Variants in PTPRG observed in about 807,000 individuals in gnomAD.
The protein encoded by PTPRG is protein tyrosine phosphatase receptor type G.
A neutral mutation model predicts 165.3 loss-of-function variants in PTPRG; 102 were observed. The observed-to-expected ratio is 0.62, with a 90% confidence interval of 0.53 to 0.73. The LOEUF (loss-of-function observed/expected upper bound fraction) is 0.73. Ranked by LOEUF, PTPRG falls within the 30% of genes least tolerant of loss-of-function variation. The pLI, the probability that PTPRG is intolerant of heterozygous loss-of-function variation, is 0.00. For missense variants in PTPRG, 1,866 were observed against 1,861.4 expected, an observed-to-expected ratio of 1.00 and a Z score of -0.05; for synonymous variants, 675 against 669.5, an observed-to-expected ratio of 1.01 and a Z score of -0.13.
At chr3:61,657,880 T>C (rs1702551359) in intron 1 of PTPRG, among the ~76,000 whole-genome samples, 1 of 152,160 alleles carries the variant, frequency 6.6e-6, no homozygotes, top group Non-Finnish European at 1.5e-5. Context: ...GCGGGGAAGA[T>C]GCTTTGTACT....
At chr3:61,643,495 A>C (rs959496069) in intron 1 of PTPRG, among the ~76,000 whole-genome samples, 1 of 152,216 alleles carries the variant, frequency 6.6e-6, no homozygotes, top group Non-Finnish European at 1.5e-5. Context: ...AAAAGCACCT[A>C]TTGGCTGGGC....
In PTPRG at chr3:62,065,822, G is replaced by T. The variant is rs569112837; in HGVS notation, c.520-12341G>T. The stretch of plus-strand genomic sequence containing the variant: ...AACAGAAGAGCTCTTTTAAAGAACA[G>T]ATGTTCTAGACCAGTTGACCCAGCT... On this transcript the variant is annotated intron_variant, in intron 4 of 29. Coordinates refer to ENST00000474889, the MANE Select transcript of PTPRG (RefSeq NM_002841.4). Among the ~76,000 whole-genome samples the T allele has an allele frequency of 2.4e-4, 37 of 152,266 alleles. 1 individual carries two copies. In the East Asian group the frequency reaches 6.8e-3, roughly 28 times the overall value.
At chr3:61,802,393 G>A (rs2035278014) in intron 2 of PTPRG, among the ~76,000 whole-genome samples, 1 of 152,180 alleles carries the variant, frequency 6.6e-6, no homozygotes, top group African/African-American at 2.4e-5. Flanking sequence ...TGGTTGCACA[G>A]TGTTCAGTAT....
chr3:62,083,618 T>C (rs1025695032), intron 5 of PTPRG, among the ~76,000 whole-genome samples: 5 of 152,316 alleles, frequency 3.3e-5, no homozygotes, highest in Non-Finnish European at 5.9e-5. Context: ...ACAGAACAAT[T>C]TCATTGGTTT....
intron 5 of PTPRG, among the ~76,000 whole-genome samples, chr3:62,130,724 G>A (rs1703483168): frequency 6.6e-6 from 1 of 152,128 alleles, no homozygotes; most frequent in Non-Finnish European, 1.5e-5. Context: ...TTTTGACCAG[G>A]TTTTAAAATT....
rs546551629 is a variant in PTPRG at position 62,275,097 on chromosome 3, T to C, written c.3466-776T>C. ...GGAGAAGAACACTGATCTCATATAC[T>C]CCATTAGGATGGATGCCAGCCCCCA... On this transcript the variant is annotated intron_variant, in intron 23 of 29. Coordinates refer to ENST00000474889, the MANE Select transcript of PTPRG (RefSeq NM_002841.4). Among the ~76,000 whole-genome samples the C allele has an allele frequency of 2.0e-5, 3 of 152,202 alleles. No homozygotes were observed. In the East Asian group the frequency reaches 5.8e-4, roughly 30 times the overall value.
At chr3:61,781,020 T>C (rs1418262257) in intron 2 of PTPRG, among the ~76,000 whole-genome samples, 1 of 152,240 alleles carries the variant, frequency 6.6e-6, no homozygotes, top group Non-Finnish European at 1.5e-5. Flanking sequence ...AGTATTTGAC[T>C]TGGGTCTCTT....
chr3:61,780,694 T>C (rs1240963133), intron 2 of PTPRG, among the ~76,000 whole-genome samples: 1 of 152,200 alleles, frequency 6.6e-6, no homozygotes, highest in Non-Finnish European at 1.5e-5. Flanking sequence ...TAGCCATTTA[T>C]ATGATCTGCC....
chr3:62,186,567 C>CCTTTTTTTTTTTTTTTTT (rs1705895088), intron 8 of PTPRG, among the ~76,000 whole-genome samples: 1 of 117,542 alleles, frequency 8.5e-6, no homozygotes, highest in African/African-American at 3.5e-5. Flanking sequence ...TTTTCTTTTC[C>CCTTTTTTTTTTTTTTTTT]TTTTTTTTTT....
intron 1 of PTPRG, among the ~76,000 whole-genome samples, chr3:61,728,779 T>G (rs631533): frequency 1.3e-5 from 2 of 150,998 alleles, no homozygotes; most frequent in South Asian, 2.1e-4. Flanking sequence ...GCTCATGCCT[T>G]TAATTCCAAC....
intron 28 of PTPRG, among the ~76,000 whole-genome samples, chr3:62,286,392 G>GGGTTATAACTCTGGATAGCAATCTT (rs1484032096): frequency 1.1e-4 from 16 of 152,012 alleles, no homozygotes; most frequent in African/African-American, 3.9e-4. Context: ...CACAGTGTCA[G>GGGTTATAACTCTGGATAGCAATCTT]GGTTATAACT....
intron 2 of PTPRG, among the ~76,000 whole-genome samples, chr3:61,985,855 C>T (rs2040746350): frequency 6.6e-6 from 1 of 152,154 alleles, no homozygotes; most frequent in African/African-American, 2.4e-5. Context: ...CCATAGTCAC[C>T]TTTGCTGGGC....
chr3:61,658,239 C>G (rs1702562856), intron 1 of PTPRG, among the ~76,000 whole-genome samples: 2 of 152,180 alleles, frequency 1.3e-5, no homozygotes, highest in Non-Finnish European at 2.9e-5. Flanking sequence ...CAAGCAGGCA[C>G]CCGGTGCCTG....
chr3:61,671,935 T>G (rs1388357997), intron 1 of PTPRG, among the ~76,000 whole-genome samples: 1 of 135,732 alleles, frequency 7.4e-6, no homozygotes, highest in East Asian at 2.3e-4. Flanking sequence ...AGGTGGCTGC[T>G]GGGCGGAGAT....
intron 6 of PTPRG, among the ~76,000 whole-genome samples, chr3:62,149,896 G>A (rs754043747): frequency 6.6e-6 from 1 of 152,148 alleles, no homozygotes; most frequent in Non-Finnish European, 1.5e-5. Flanking sequence ...TTGGACAGTT[G>A]ATCTTTTCCT....
chr3:62,022,354 CT>C (rs2107763302), intron 4 of PTPRG, among the ~76,000 whole-genome samples: 1 of 152,254 alleles, frequency 6.6e-6, no homozygotes, highest in South Asian at 2.1e-4. Flanking sequence ...TTAGTTAAAT[CT>C]AGTTTTGGTG....
intron 2 of PTPRG, among the ~76,000 whole-genome samples, chr3:61,945,122 G>A (rs970568245): frequency 2.0e-5 from 3 of 152,162 alleles, no homozygotes; most frequent in African/African-American, 4.8e-5. Context: ...AGTGACCATT[G>A]CACAGAATAT....
intron 8 of PTPRG, among the ~76,000 whole-genome samples, chr3:62,185,695 A>G (rs1055874163): frequency 7.2e-5 from 11 of 152,212 alleles, no homozygotes; most frequent in African/African-American, 2.7e-4. Flanking sequence ...TTTAAAGCCC[A>G]TATTTATATG....
chr3:62,275,786 A>T, intron 23 of PTPRG, 87 bp from the exon 24 acceptor site: 1 of 930,196 alleles, frequency 1.1e-6, no homozygotes, highest in Non-Finnish European at 1.6e-6. Flanking sequence ...GTTTATCAGT[A>T]ATCTGATTGG....
Sources: gnomAD v4.1 joint callset for allele counts (sites outside exome capture counted in the v4.1 genomes callset) on GRCh38, gnomAD v4.1.1 for gene constraint, MANE v1.5 for transcripts, NCBI Gene and HGNC (gene_info 2026-07-23, HGNC 2026-07-21) for gene names.